MRPL48: variants seen among roughly 807,000 people sequenced by gnomAD.
The protein encoded by MRPL48 is mitochondrial ribosomal protein L48.
MRPL48 carries 16 observed loss-of-function variants against 32.9 expected under a neutral mutation model. That is an observed-to-expected ratio of 0.49 (90% confidence interval 0.33 to 0.74). MRPL48 has a LOEUF of 0.74. MRPL48 is among the 30% of genes least tolerant of loss of function. The probability of loss-of-function intolerance (pLI) is 0.02; values close to 1 mark genes in which losing one functional copy is unlikely to be tolerated. For missense variants in MRPL48, 206 were observed against 245.3 expected (o/e 0.84, Z 1.07); for synonymous variants, 94 against 89.2 (o/e 1.05, Z -0.31).
chr11:73,801,454 T>C (rs1947362418), intron 1 of MRPL48, among the ~76,000 whole-genome samples: 2 of 152,282 alleles, frequency 1.3e-5, no homozygotes, highest in South Asian at 4.1e-4. Flanking sequence ...GTTAAGTGTA[T>C]TGCACACATA....
At chr11:73,825,284 ATG>A (rs66515925) in intron 3 of MRPL48, among the ~76,000 whole-genome samples, 46,040 of 139,538 alleles carry the variant, frequency 0.33, 7,874 homozygotes, top group Middle Eastern at 0.46. Context: ...TTTTTTATAT[ATG>A]TGTGTGTGTG....
intron 5 of MRPL48, chr11:73,850,801 T>C (rs1948375119): frequency 4.5e-6 from 1 of 221,750 alleles, no homozygotes; most frequent in Non-Finnish European, 9.0e-6. Context: ...CTCAGCTTCC[T>C]GAGTAGCTGG....
At position 73,808,368 on chromosome 11, in the gene MRPL48, G is replaced by T; in HGVS notation, c.112+18G>T. The T allele has an allele frequency of 1.2e-6, 2 of 1,600,936 alleles. No individual in the cohort carries two copies. The highest frequency in any genetic ancestry group is 1.7e-6 in the Non-Finnish European group (2 of 1,171,822). ...TTCTGTAGGTAAGCAGTTTTTACCTGATGTAGTTGGCCTGCTTTAAGTGAC... is the reference window on the plus strand; with the variant it reads ...TTCTGTAGGTAAGCAGTTTTTACCTTATGTAGTTGGCCTGCTTTAAGTGAC... On this transcript the variant is annotated intron_variant, in intron 3 of 7. Coordinates refer to ENST00000310614, the MANE Select transcript of MRPL48 (RefSeq NM_016055.6).
chr11:73,854,751 G>A (rs998332245), intron 5 of MRPL48, among the ~76,000 whole-genome samples: 1 of 152,182 alleles, frequency 6.6e-6, no homozygotes, highest in African/African-American at 2.4e-5. Context: ...AAACTCAGCT[G>A]TAATGCCCTG....
Position 73,851,396 on chromosome 11 carries a change from T to A in MRPL48, c.371+6420T>A, listed in dbSNP as rs368418267. On this transcript the variant is annotated intron_variant, in intron 5 of 7. Coordinates refer to ENST00000310614, the MANE Select transcript of MRPL48 (RefSeq NM_016055.6). ...CTTATTTTAAGTCCTTCAGCCAAAT[T>A]TGAACTTTTAAACCTTTATACATTA... Among the ~76,000 whole-genome samples the A allele has an allele frequency of 4.5e-4, 68 of 152,346 alleles. 1 individual carries two copies. The highest frequency in any genetic ancestry group is 1.5e-3 in the African/African-American group (64 of 41,590).
intron 4 of MRPL48, among the ~76,000 whole-genome samples, chr11:73,836,328 T>C (rs1490597499): frequency 6.6e-6 from 1 of 152,016 alleles, no homozygotes; most frequent in Non-Finnish European, 1.5e-5. Context: ...CCCAAGTAGA[T>C]GGGATTACAG....
chr11:73,833,424 G>A (rs1189528040), intron 4 of MRPL48, among the ~76,000 whole-genome samples: 2 of 151,996 alleles, frequency 1.3e-5, no homozygotes, highest in African/African-American at 4.8e-5. Flanking sequence ...ATGAATAATA[G>A]TAATGACCCT....
intron 1 of MRPL48, 84 bp downstream of exon 1, chr11:73,788,076 A>G (rs571273750): frequency 3.2e-6 from 5 of 1,568,006 alleles, no homozygotes; most frequent in Admixed American, 1.8e-5. Flanking sequence ...CAGAGCGGGG[A>G]GGTGGCGGCG....
chr11:73,855,202 C>T (rs886918442), intron 5 of MRPL48, among the ~76,000 whole-genome samples: 1 of 151,852 alleles, frequency 6.6e-6, no homozygotes, highest in Non-Finnish European at 1.5e-5. Flanking sequence ...TTCTTCTAAC[C>T]GGTTCTCCAC....
At chr11:73,805,655 C>CT (rs147763203) in intron 2 of MRPL48, among the ~76,000 whole-genome samples, 53,178 of 132,320 alleles carry the variant, frequency 0.4, 11,308 homozygotes, top group African/African-American at 0.55. Flanking sequence ...TAAACAGAAC[C>CT]TTTTTTTTTT....
chr11:73,813,246 A>G (rs1947600929), intron 3 of MRPL48, among the ~76,000 whole-genome samples: 1 of 152,056 alleles, frequency 6.6e-6, no homozygotes, highest in South Asian at 2.1e-4. Context: ...ATCTTGGCTC[A>G]CTGCAACCTC....
At chr11:73,834,545 T>A (rs1948056191) in intron 4 of MRPL48, among the ~76,000 whole-genome samples, 1 of 151,200 alleles carries the variant, frequency 6.6e-6, no homozygotes, top group South Asian at 2.1e-4. Context: ...TTTTTGTTTT[T>A]TTTTTTGAGA....
intron 4 of MRPL48, among the ~76,000 whole-genome samples, chr11:73,830,411 C>T (rs917331731): frequency 1.3e-5 from 2 of 152,168 alleles, no homozygotes; most frequent in African/African-American, 4.8e-5. Flanking sequence ...GAGTAAGTTG[C>T]TCCAGCCTCG....
At chr11:73,862,981 A>T (rs1270636718) in intron 6 of MRPL48, among the ~76,000 whole-genome samples, 191 bp from the exon 7 acceptor site, 2 of 152,224 alleles carry the variant, frequency 1.3e-5, no homozygotes, top group Non-Finnish European at 2.9e-5. Flanking sequence ...GGCAGTGAAC[A>T]TCTCAGCACC....
At chr11:73,852,393 C>CAAAA (rs10554131) in intron 5 of MRPL48, among the ~76,000 whole-genome samples, 17 of 83,344 alleles carry the variant, frequency 2.0e-4, no homozygotes, top group East Asian at 4.6e-4. Flanking sequence ...AACTCTATAG[C>CAAAA]AAAAAAAAAA....
rs1948637409 is a variant in MRPL48 at position 73,864,590 on chromosome 11, C to A, written c.*220C>A. ...TTGTTATCTTCCATCTAATAAAAAT[C>A]TGCTGCAGATGTGTATATGTATGTG... On this transcript the variant is annotated 3_prime_UTR_variant, in exon 8 of 8. Transcript: ENST00000310614. 1.7e-6 allele frequency: 1 copy of A among 579,706 alleles called. No individual in the cohort carries two copies. The highest frequency in any genetic ancestry group is 2.9e-5 in the East Asian group (1 of 34,896). The allele number at this position is 579,706 out of a possible 1,614,324, so 35.9% of individuals were successfully genotyped here. A position where few individuals can be genotyped will look rare whatever the true frequency, so the allele number is the denominator to read the frequency against.
intron 5 of MRPL48, among the ~76,000 whole-genome samples, chr11:73,847,484 A>G (rs1478300800): frequency 2.0e-5 from 3 of 151,410 alleles, no homozygotes; most frequent in Non-Finnish European, 2.9e-5. Context: ...TCTGTCACCC[A>G]GGCTGGAGTG....
intron 4 of MRPL48, among the ~76,000 whole-genome samples, chr11:73,839,317 A>G (rs528126337): frequency 9.2e-5 from 14 of 152,318 alleles, no homozygotes; most frequent in Admixed American, 5.9e-4. Context: ...ACTGTTGGCT[A>G]TTAGATGGGG....
intron 4 of MRPL48, among the ~76,000 whole-genome samples, chr11:73,831,809 G>A (rs937898210): frequency 2.6e-4 from 39 of 151,694 alleles, no homozygotes; most frequent in African/African-American, 8.5e-4. Context: ...GCATGGTGGC[G>A]CATGCCTGTA....
Sources: gnomAD v4.1 joint callset for allele counts (sites outside exome capture counted in the v4.1 genomes callset) on GRCh38, gnomAD v4.1.1 for gene constraint, MANE v1.5 for transcripts, NCBI Gene and HGNC (gene_info 2026-07-23, HGNC 2026-07-21) for gene names.